GRID1: variants seen among roughly 807,000 people sequenced by gnomAD.
GRID1 encodes glutamate ionotropic receptor delta type subunit 1.
Under a neutral mutation model 98.0 loss-of-function variants are expected in GRID1, and 28 were observed. The ratio of observed to expected loss-of-function variants is 0.29; its 90% CI spans 0.21 to 0.39. The LOEUF (loss-of-function observed/expected upper bound fraction) is 0.39. Ranked by LOEUF, GRID1 falls within the 10% of genes least tolerant of loss-of-function variation. The pLI is 1.00. For synonymous variants in GRID1, 553 were observed against 538.5 expected (o/e 1.03, Z -0.37); for missense variants, 1,111 against 1,340.5 (o/e 0.83, Z 2.67).
intron 2 of GRID1, among the ~76,000 whole-genome samples, chr10:86,258,261 C>T (rs1467253860): frequency 6.6e-6 from 1 of 152,082 alleles, no homozygotes; most frequent in Non-Finnish European, 1.5e-5. Context: ...AATACATCAG[C>T]TGAATGATAT....
chr10:86,189,828 G>A (rs2132007482), intron 3 of GRID1, among the ~76,000 whole-genome samples: 1 of 152,268 alleles, frequency 6.6e-6, no homozygotes, highest in Admixed American at 6.5e-5. Context: ...AGAGGTGGGA[G>A]GAGGCTCTTG....
chr10:86,288,890 G>A (rs1046301368), intron 2 of GRID1, among the ~76,000 whole-genome samples: 5 of 152,154 alleles, frequency 3.3e-5, no homozygotes, highest in African/African-American at 9.7e-5. Context: ...GGCTGCAGGA[G>A]AACAGAGGCC....
intron 4 of GRID1, among the ~76,000 whole-genome samples, chr10:86,110,156 T>A (rs1415145030): frequency 6.6e-6 from 1 of 152,140 alleles, no homozygotes; most frequent in Non-Finnish European, 1.5e-5. Context: ...ATATTTTTAG[T>A]AGAGACAGGG....
chr10:85,878,752 T>C (rs1840947103), intron 5 of GRID1, among the ~76,000 whole-genome samples: 1 of 151,938 alleles, frequency 6.6e-6, no homozygotes, highest in African/African-American at 2.4e-5. Context: ...AATGACAGGA[T>C]CAAATTCACA....
chr10:86,295,879 C>T (rs1222256686), intron 2 of GRID1, among the ~76,000 whole-genome samples: 1 of 152,226 alleles, frequency 6.6e-6, no homozygotes, highest in Non-Finnish European at 1.5e-5. Flanking sequence ...ATCTAGAAAG[C>T]ACCTGCTCAC....
At chr10:85,958,697 C>G (rs1352821130) in intron 4 of GRID1, among the ~76,000 whole-genome samples, 1 of 152,134 alleles carries the variant, frequency 6.6e-6, no homozygotes, top group Non-Finnish European at 1.5e-5. Context: ...GTGGCTCACA[C>G]CTGTAATCCC....
chr10:86,362,242 C>T (rs1848609270), intron 2 of GRID1, among the ~76,000 whole-genome samples: 1 of 152,142 alleles, frequency 6.6e-6, no homozygotes, highest in African/African-American at 2.4e-5. Flanking sequence ...AGCTTGTCAC[C>T]CCAGGTCCCC....
At chr10:85,607,966 T>C (rs1396727789) in intron 15 of GRID1, among the ~76,000 whole-genome samples, 1 of 152,030 alleles carries the variant, frequency 6.6e-6, no homozygotes. Context: ...TACAGTCACA[T>C]ACCATCTCAC....
intron 2 of GRID1, among the ~76,000 whole-genome samples, chr10:86,290,839 G>A (rs2253710): frequency 0.8 from 120,853 of 151,992 alleles, 49,886 homozygotes; most frequent in Non-Finnish European, 0.91. Context: ...GTCTTTTCCC[G>A]CTGTTAATGA....
At position 85,602,357 on chromosome 10, in the gene GRID1, C is replaced by T. The variant is rs1842591227; in HGVS notation, c.2946G>A (p.Lys982=). 2 of 1,594,532 alleles carry T rather than the reference C, an allele frequency of 1.3e-6. No homozygotes were observed. Among genetic ancestry groups the T allele is most frequent in the South Asian group, 2.3e-5 (2 of 88,300 alleles). The change falls in exon 16 of 16, where the codon AAG becomes AAA. Residue 982 remains lysine, a synonymous_variant. Transcript: ENST00000327946. ...NGGLFRQSPV[K]TPIPMSFQPV... ...GCTGGAAGGACATGGGGATGGGGGT[C>T]TTCACCGGGCTCTGCCGGAACAGCC... is the stretch of plus-strand genomic sequence containing the variant.
chr10:85,918,464 G>A (rs1410855000), intron 4 of GRID1, among the ~76,000 whole-genome samples: 1 of 152,180 alleles, frequency 6.6e-6, no homozygotes, highest in African/African-American at 2.4e-5. Context: ...ATGGAAAGGA[G>A]GGTGTGGGAG....
intron 2 of GRID1, among the ~76,000 whole-genome samples, chr10:86,299,570 A>C (rs1047522469): frequency 1.3e-5 from 2 of 151,860 alleles, no homozygotes; most frequent in Non-Finnish European, 2.9e-5. Flanking sequence ...CAAGGACAAA[A>C]ATCCAAACAC....
chr10:85,942,859 C>T (rs1984263), intron 4 of GRID1, among the ~76,000 whole-genome samples: 92,348 of 152,024 alleles, frequency 0.61, 28,233 homozygotes, highest in Middle Eastern at 0.73. Flanking sequence ...AAATACTACA[C>T]ATGTCTTTGG....
intron 4 of GRID1, among the ~76,000 whole-genome samples, chr10:85,920,425 C>T (rs1015239410): frequency 1.4e-4 from 22 of 152,192 alleles, no homozygotes; most frequent in African/African-American, 4.8e-4. Context: ...TCTTGAAGTA[C>T]ACGTGCATAA....
intron 8 of GRID1, among the ~76,000 whole-genome samples, chr10:85,770,097 C>T (rs1283817616): frequency 6.6e-6 from 1 of 152,178 alleles, no homozygotes; most frequent in Non-Finnish European, 1.5e-5. Context: ...AGACTGACAC[C>T]TCACACGGCC....
At chr10:86,328,393 TA>T (rs1848083845) in intron 2 of GRID1, among the ~76,000 whole-genome samples, 1 of 152,188 alleles carries the variant, frequency 6.6e-6, no homozygotes, top group South Asian at 2.1e-4. Flanking sequence ...TTTAAAGAAA[TA>T]AAAGTGTTAA....
intron 2 of GRID1, 27 bp downstream of exon 2, chr10:86,363,914 T>G (rs116536584): frequency 6.2e-7 from 1 of 1,601,614 alleles, no homozygotes; most frequent in Non-Finnish European, 8.5e-7. Context: ...CGTGTCCCAG[T>G]GGGCCCTGGG....
chr10:85,736,037 G>A (rs199932605), intron 8 of GRID1, among the ~76,000 whole-genome samples: 2 of 140,054 alleles, frequency 1.4e-5, no homozygotes, highest in East Asian at 2.3e-4. Context: ...GAGGGAAGTA[G>A]GGAGGGAGAA....
intron 13 of GRID1, among the ~76,000 whole-genome samples, chr10:85,626,915 T>C (rs1842921112): frequency 6.6e-6 from 1 of 152,198 alleles, no homozygotes. Flanking sequence ...TTTTAAAATG[T>C]GTACATGCAG....
Sources: gnomAD v4.1 joint callset for allele counts (sites outside exome capture counted in the v4.1 genomes callset) on GRCh38, gnomAD v4.1.1 for gene constraint, MANE v1.5 for transcripts, NCBI Gene and HGNC (gene_info 2026-07-23, HGNC 2026-07-21) for gene names.